The following CACNA1A variants were observed in gnomAD, a reference collection of about 807,000 sequenced individuals.
The protein encoded by CACNA1A is voltage-dependent P/Q-type calcium channel subunit alpha-1A.
In CACNA1A, 57 loss-of-function variants were observed where a neutral mutation model predicts 262.4. The ratio of observed to expected loss-of-function variants is 0.22; its 90% confidence interval spans 0.18 to 0.27. CACNA1A has a LOEUF of 0.27. Ranked by LOEUF, CACNA1A falls within the 10% of genes least tolerant of loss-of-function variation. The pLI, the probability that CACNA1A is intolerant of heterozygous loss-of-function variation, is 1.00. For synonymous variants in CACNA1A, 1,431 were observed against 1,419.3 expected (o/e 1.01, Z -0.18); for missense variants, 2,526 against 3,562.8 (o/e 0.71, Z 7.41).
chr19:13,464,288 A>G (rs72999650), intron 1 of CACNA1A, among the ~76,000 whole-genome samples: 26,137 of 152,022 alleles, frequency 0.17, 2,297 homozygotes, highest in Middle Eastern at 0.25. Context: ...AGTCCTAGCT[A>G]CTCGAGAGAC....
chr19:13,371,825 G>A lies in CACNA1A; in HGVS notation c.540-46C>T, dbSNP rs1348480771. The A allele has an allele frequency of 2.1e-6, 3 of 1,407,080 alleles. No homozygotes were observed. The African/African-American group carries it at 4.3e-5, about 20-fold the overall frequency. The allele number at this position is 1,407,080 out of a possible 1,614,324, so 87.2% of individuals were successfully genotyped here. ...TGGAGAACAGAGGGTGGGTTTTGGG[G>A]GTCAGACAGCAGGGCGGGGGTGCTT... is the stretch of plus-strand genomic sequence containing the variant. On this transcript the variant is annotated intron_variant, in intron 3 of 46. Transcript: ENST00000360228.
intron 3 of CACNA1A, among the ~76,000 whole-genome samples, chr19:13,403,025 C>A (rs1284922733): frequency 6.6e-6 from 1 of 150,976 alleles, no homozygotes; most frequent in Non-Finnish European, 1.5e-5. Context: ...CCTACCCTGA[C>A]CACCCTATTC....
intron 6 of CACNA1A, among the ~76,000 whole-genome samples, chr19:13,351,370 G>T (rs973106885): frequency 6.6e-6 from 1 of 152,122 alleles, no homozygotes; most frequent in African/African-American, 2.4e-5. Context: ...AAGAGATGGG[G>T]TCTTGCTGTT....
intron 1 of CACNA1A, among the ~76,000 whole-genome samples, chr19:13,470,416 ATGT>A (rs2061328975): frequency 1.3e-5 from 2 of 152,176 alleles, no homozygotes; most frequent in Non-Finnish European, 2.9e-5. Flanking sequence ...GCCCTTCTTA[ATGT>A]TGTTCTAGTT....
At position 13,473,246 on chromosome 19, in the gene CACNA1A, C is replaced by T. The variant is rs554724623; in HGVS notation, c.294-18034G>A. ...TCTTGTACAGGGTGACAGAGTGAGGCCCTGACAAAAAAAAAAAAAAGAGAG... is the reference window on the plus strand; with the variant it reads ...TCTTGTACAGGGTGACAGAGTGAGGTCCTGACAAAAAAAAAAAAAAGAGAG... On this transcript the variant is annotated intron_variant, in intron 1 of 46. Transcript: ENST00000360228. Among the ~76,000 whole-genome samples, 420 of 138,420 alleles carry T rather than the reference C, an allele frequency of 3.0e-3. 2 individuals carry two copies. The highest frequency in any genetic ancestry group is 0.012 in the African/African-American group (400 of 33,098). 90.8% of individuals were successfully genotyped at this position (138,420 alleles called of 152,430 possible). A position where few individuals can be genotyped will look rare whatever the true frequency, so the allele number is the denominator to read the frequency against.
chr19:13,506,067 G>C lies in CACNA1A; in HGVS notation c.158C>G (p.Ala53Gly). 1 of 1,613,884 alleles carries C rather than the reference G, an allele frequency of 6.2e-7. No homozygotes were observed. ...GAQRMYKQSM[A>G]QRARTMALYN... ...GAGTGCCATGGTCCGCGCTCTCTGC[G>C]CCATTGACTGCTTGTACATCCTTTG... Residue 53 changes from alanine (A) to glycine (G), a missense_variant, in exon 1 of 47, where the codon GCG becomes GGG. Transcript: ENST00000360228.
intron 1 of CACNA1A, among the ~76,000 whole-genome samples, chr19:13,496,915 C>A (rs1981601203): frequency 6.6e-6 from 1 of 152,172 alleles, no homozygotes; most frequent in African/African-American, 2.4e-5. Flanking sequence ...CTATTAGGAT[C>A]CCCATGGAGC....
In CACNA1A at chr19:13,469,334, G is replaced by A. The variant is rs190428321; in HGVS notation, c.294-14122C>T. 1.5e-3 allele frequency among the ~76,000 whole-genome samples: 233 copies of A among 152,218 alleles called. 1 individual carries two copies. The highest frequency in any genetic ancestry group is 5.3e-3 in the African/African-American group (222 of 41,544). On this transcript the variant is annotated intron_variant, in intron 1 of 46. Transcript: ENST00000360228. ...TGGTCCCCTGCTTCCTTGATCACTG[G>A]AGGATGTCCCTACCTCTTCATCAAT... is the stretch of plus-strand genomic sequence containing the variant.
chr19:13,219,465 G>T (rs1409517322), intron 38 of CACNA1A, among the ~76,000 whole-genome samples: 2 of 152,196 alleles, frequency 1.3e-5, no homozygotes, highest in Non-Finnish European at 2.9e-5. Flanking sequence ...CCTGAACACA[G>T]ATTCTCAGAG....
chr19:13,245,494 C>T (rs766468927), intron 30 of CACNA1A: 9 of 547,436 alleles, frequency 1.6e-5, no homozygotes, highest in Non-Finnish European at 2.0e-5. Flanking sequence ...CCAGAGGGGG[C>T]CTCCAGACCC....
rs200307710 is a variant in CACNA1A, at chr19:13,217,919, A to C, written c.5732-3311T>G. 8.7e-4 allele frequency among the ~76,000 whole-genome samples: 122 copies of C among 140,776 alleles called. 1 individual carries two copies. The East Asian group carries it at 0.023, about 26-fold the overall frequency. 92.4% of individuals were successfully genotyped at this position (140,776 alleles called of 152,430 possible). ...CAGGGGGCCTTGGGCCACACTGTAT[A>C]GTTCATTCTTTTTTTTTTTTTTTTT... is the stretch of plus-strand genomic sequence containing the variant. On this transcript the variant is annotated intron_variant, in intron 38 of 46. Transcript: ENST00000360228.
At chr19:13,382,083 T>C (rs894157912) in intron 3 of CACNA1A, among the ~76,000 whole-genome samples, 2 of 152,052 alleles carry the variant, frequency 1.3e-5, no homozygotes, top group Admixed American at 6.6e-5. Context: ...CTGGATGCAG[T>C]GATAACGCTA....
chr19:13,277,458 A>G (rs1244827421), intron 22 of CACNA1A: 5 of 207,212 alleles, frequency 2.4e-5, no homozygotes, highest in East Asian at 1.2e-4. Flanking sequence ...GCGGCCCCAG[A>G]GAAGTTCAGG....
At chr19:13,372,473 G>T (rs534238920) in intron 3 of CACNA1A, among the ~76,000 whole-genome samples, 4 of 152,238 alleles carry the variant, frequency 2.6e-5, no homozygotes, top group Non-Finnish European at 4.4e-5. Context: ...TGCCTGGCCT[G>T]GTTTGTGGCT....
At position 13,298,621 on chromosome 19, in the gene CACNA1A, C is replaced by T. The variant is rs1364509444; in HGVS notation, c.3012G>A (p.Arg1004=). 6.5e-7 allele frequency: 1 copy of T among 1,533,238 alleles called. No individual in the cohort carries two copies. The highest frequency in any genetic ancestry group is 1.2e-5 in the South Asian group (1 of 83,154). The allele number at this position is 1,533,238 out of a possible 1,614,324, so 95.0% of individuals were successfully genotyped here. A position where few individuals can be genotyped will look rare whatever the true frequency, so the allele number is the denominator to read the frequency against. The change falls in exon 19 of 47, where the codon AGG becomes AGA. Residue 1004 remains arginine, a synonymous_variant. Coordinates refer to ENST00000360228, the MANE Select transcript of CACNA1A (RefSeq NM_001127222.2). ...EGPDGGERRR[R]HRHGAPATYE... is the part of the protein sequence containing the mutation. Reference sequence around the variant, plus strand: ...ACGTGGCTGGAGCGCCATGCCGGTGCCTTCTCCTGCGCTCGCCCCCGTCGG... The same window carrying T: ...ACGTGGCTGGAGCGCCATGCCGGTGTCTTCTCCTGCGCTCGCCCCCGTCGG...
At chr19:13,211,675 T>G in intron 43 of CACNA1A, 1 of 205,622 alleles carries the variant, frequency 4.9e-6, no homozygotes. Flanking sequence ...AGCATCTGAG[T>G]AGGCGCACAG....
rs2056074050 is a variant in CACNA1A at position 13,241,296 on chromosome 19, AC to A, written c.4950+3885del. On this transcript the variant is annotated intron_variant, in intron 31 of 46. Coordinates refer to ENST00000360228, the MANE Select transcript of CACNA1A (RefSeq NM_001127222.2). This position sits in a 1 kb window ranked among gnomAD's most constrained non-coding sequence, Gnocchi z 4.0. ...AGACGCAAACCACCCCAAACAGAAA[AC>A]CCCCATTCAGAACCCGATAAAAACA... 6.6e-6 allele frequency among the ~76,000 whole-genome samples: 1 copy of A among 151,266 alleles called. No individual in the cohort carries two copies. Among genetic ancestry groups the A allele is most frequent in the Non-Finnish European group, 1.5e-5 (1 of 67,898 alleles).
intron 1 of CACNA1A, among the ~76,000 whole-genome samples, chr19:13,484,948 A>G (rs934121802): frequency 2.6e-5 from 4 of 152,258 alleles, no homozygotes; most frequent in Non-Finnish European, 5.9e-5. Flanking sequence ...ATAACTATTT[A>G]CATGTCATCC....
At chr19:13,237,742 A>G (rs1030218286) in intron 31 of CACNA1A, among the ~76,000 whole-genome samples, 2 of 152,162 alleles carry the variant, frequency 1.3e-5, no homozygotes, top group African/African-American at 4.8e-5. Context: ...CTTGGCTAAC[A>G]GAGTCACTCT....
Sources: gnomAD v4.1 joint callset for allele counts (sites outside exome capture counted in the v4.1 genomes callset) on GRCh38, gnomAD v4.1.1 for gene constraint, Gnocchi (gnomAD v3.1) non-coding constraint, MANE v1.5 for transcripts, NCBI Gene and HGNC (gene_info 2026-07-23, HGNC 2026-07-21) for gene names.